Variants in CAMK2D observed in about 807,000 individuals in gnomAD.
CAMK2D encodes the protein calcium/calmodulin dependent protein kinase II delta, also known as calcium/calmodulin-dependent protein kinase type II subunit delta.
In CAMK2D, 37 loss-of-function variants were observed where a neutral mutation model predicts 84.0. The observed-to-expected ratio is 0.44, with a 90% CI of 0.34 to 0.58. The LOEUF (loss-of-function observed/expected upper bound fraction) is 0.58, where lower values mean the gene tolerates loss of function less well. Ranked by LOEUF, CAMK2D falls within the 20% of genes least tolerant of loss-of-function variation. The pLI, the probability that CAMK2D is intolerant of heterozygous loss-of-function variation, is 0.02. For synonymous variants in CAMK2D, 202 were observed against 212.5 expected (o/e 0.95, Z 0.43); for missense variants, 448 against 652.5 (o/e 0.69, Z 3.41).
At chr4:113,570,189 A>C (rs1000115300) in intron 4 of CAMK2D, among the ~76,000 whole-genome samples, 5 of 152,188 alleles carry the variant, frequency 3.3e-5, no homozygotes, top group Admixed American at 1.3e-4. Flanking sequence ...TGTTTAATTA[A>C]GTTCATACTA....
intron 2 of CAMK2D, among the ~76,000 whole-genome samples, chr4:113,664,230 T>C (rs1049141800): frequency 6.6e-6 from 1 of 152,232 alleles, no homozygotes; most frequent in African/African-American, 2.4e-5. Flanking sequence ...TTTGTTGTGG[T>C]AGCCCTATCA....
intron 16 of CAMK2D, among the ~76,000 whole-genome samples, chr4:113,471,122 T>A (rs1188243659): frequency 6.6e-6 from 1 of 152,216 alleles, no homozygotes; most frequent in Non-Finnish European, 1.5e-5. Flanking sequence ...TTTTCCTGAC[T>A]TACTCATTTT....
chr4:113,727,517 G>A (rs1052664068), intron 2 of CAMK2D, among the ~76,000 whole-genome samples: 1 of 151,972 alleles, frequency 6.6e-6, no homozygotes, highest in Admixed American at 6.6e-5. Flanking sequence ...ATACACAAAA[G>A]TAAATTCTAA....
chr4:113,708,297 G>A (rs1008023522), intron 2 of CAMK2D, among the ~76,000 whole-genome samples: 18 of 152,264 alleles, frequency 1.2e-4, no homozygotes, highest in African/African-American at 3.9e-4. Flanking sequence ...ATAATCAGAA[G>A]GCTTCTAAGG....
intron 8 of CAMK2D, among the ~76,000 whole-genome samples, chr4:113,526,905 CTTTTTTT>C (rs34934229): frequency 7.3e-6 from 1 of 137,064 alleles, no homozygotes; most frequent in African/African-American, 2.7e-5. Context: ...TTTTACTGTG[CTTTTTTT>C]TTTTTTTTTT....
Position 113,515,141 on chromosome 4 carries a change from G to A in CAMK2D, c.747C>T (p.Ile249=). The A allele has an allele frequency of 6.2e-7, 1 of 1,611,248 alleles. No homozygotes were observed. The highest frequency in any genetic ancestry group is 8.5e-7 in the Non-Finnish European group (1 of 1,177,602). ...DTVTPEAKDL[I]NKMLTINPAK... The stretch of plus-strand genomic sequence containing the variant: ...CAGGGTTGATAGTAAGCATTTTATT[G>A]ATGAGGTCTTTGGCTTCAGGAGTCA... Residue 249 remains isoleucine (I), a synonymous_variant, in exon 10 of 21, where the codon ATC becomes ATT. Coordinates refer to ENST00000511664, the MANE Select transcript of CAMK2D (RefSeq NM_001321571.2).
intron 3 of CAMK2D, among the ~76,000 whole-genome samples, chr4:113,623,638 G>A (rs1434596272): frequency 5.9e-5 from 9 of 152,220 alleles, no homozygotes; most frequent in Non-Finnish European, 1.5e-5. Flanking sequence ...GTTAGCATCT[G>A]CTTATCTGAG....
chr4:113,667,262 G>C (rs1211613135), intron 2 of CAMK2D, among the ~76,000 whole-genome samples: 1 of 152,136 alleles, frequency 6.6e-6, no homozygotes, highest in Admixed American at 6.5e-5. Context: ...AACAGTTTCA[G>C]GGGCACATAA....
At chr4:113,672,834 ACT>A (rs1561747108) in intron 2 of CAMK2D, among the ~76,000 whole-genome samples, 1 of 152,126 alleles carries the variant, frequency 6.6e-6, no homozygotes. Context: ...AAAAAATACT[ACT>A]GAGTCAAGAT....
Position 113,620,776 on chromosome 4 carries a change from G to A in CAMK2D, c.221-11570C>T, listed in dbSNP as rs569829011. 2.0e-5 allele frequency among the ~76,000 whole-genome samples: 3 copies of A among 152,228 alleles called. No individual in the cohort carries two copies. In the South Asian group the frequency reaches 6.2e-4, roughly 32 times the overall value. On this transcript the variant is annotated intron_variant, in intron 3 of 20. Coordinates refer to ENST00000511664, the MANE Select transcript of CAMK2D (RefSeq NM_001321571.2). The stretch of plus-strand genomic sequence containing the variant: ...CTGCCCTGGCCTCCCAAAGTGCTGG[G>A]ATTACAGGCGTAAGCCACCACACAC...
At chr4:113,570,127 A>T (rs1308412359) in intron 4 of CAMK2D, among the ~76,000 whole-genome samples, 4 of 152,168 alleles carry the variant, frequency 2.6e-5, no homozygotes, top group East Asian at 3.8e-4. Context: ...ATTGAAGACA[A>T]CACAAATAAA....
chr4:113,454,352 A>C lies in CAMK2D; in HGVS notation c.*193T>G, dbSNP rs2097279814. 1.9e-6 allele frequency: 1 copy of C among 516,152 alleles called. No individual in the cohort carries two copies. 32.0% of individuals were successfully genotyped at this position (516,152 alleles called of 1,614,324 possible). On this transcript the variant is annotated 3_prime_UTR_variant, in exon 21 of 21. Coordinates refer to ENST00000511664, the MANE Select transcript of CAMK2D (RefSeq NM_001321571.2). ...AGTTGAAGTGTAAACAATGTATAGG[A>C]AGGAATATATGATAAGATGATGCAT...
intron 2 of CAMK2D, among the ~76,000 whole-genome samples, chr4:113,742,524 C>G (rs189446909): frequency 6.7e-6 from 1 of 150,198 alleles, no homozygotes; most frequent in Non-Finnish European, 1.5e-5. Context: ...AAAACAACAT[C>G]AAACACATTC....
At chr4:113,477,041 GAA>G (rs1441282755) in intron 16 of CAMK2D, among the ~76,000 whole-genome samples, 3 of 152,104 alleles carry the variant, frequency 2.0e-5, no homozygotes, top group Non-Finnish European at 4.4e-5. Flanking sequence ...GCAGATTTCA[GAA>G]ACATGTCCTG....
intron 4 of CAMK2D, among the ~76,000 whole-genome samples, chr4:113,595,412 T>C (rs1591682072): frequency 6.6e-6 from 1 of 151,302 alleles, no homozygotes; most frequent in Admixed American, 6.6e-5. Flanking sequence ...AAAGTAATAA[T>C]AGCAACAATT....
At chr4:113,586,177 G>A (rs13149304) in intron 4 of CAMK2D, among the ~76,000 whole-genome samples, 1 of 151,964 alleles carries the variant, frequency 6.6e-6, no homozygotes, top group African/African-American at 2.4e-5. Context: ...GAGAGTAATT[G>A]GTTCAAGGAT....
intron 4 of CAMK2D, among the ~76,000 whole-genome samples, chr4:113,569,023 C>CTCCTATTCTATAGGTTATCTTA (rs2098739378): frequency 1.3e-5 from 2 of 151,842 alleles, no homozygotes; most frequent in African/African-American, 4.8e-5. Context: ...CAAATATTTT[C>CTCCTATTCTATAGGTTATCTTA]TCCTATTCTA....
chr4:113,700,756 G>C (rs1389954746), intron 2 of CAMK2D, among the ~76,000 whole-genome samples: 1 of 152,112 alleles, frequency 6.6e-6, no homozygotes, highest in Non-Finnish European at 1.5e-5. Flanking sequence ...TAGCTAACTG[G>C]CAAGAATAGG....
chr4:113,745,002 G>C (rs1054646908), intron 2 of CAMK2D, among the ~76,000 whole-genome samples: 5 of 152,112 alleles, frequency 3.3e-5, no homozygotes, highest in Admixed American at 6.5e-5. Context: ...CCATGACTCA[G>C]CTTTGAAACT....
Sources: allele counts gnomAD v4.1 joint callset (sites outside exome capture counted in the v4.1 genomes callset), GRCh38; gene constraint gnomAD v4.1.1; transcripts MANE v1.5; gene names NCBI Gene and HGNC (gene_info 2026-07-23, HGNC 2026-07-21).